The following TRA2B variants were observed in gnomAD, a reference collection of about 807,000 sequenced individuals.
TRA2B encodes the protein transformer-2 protein homolog beta.
In TRA2B, 14 loss-of-function variants were observed where a neutral mutation model predicts 41.7. That is an observed-to-expected ratio of 0.34 (90% CI 0.22 to 0.53). The LOEUF is 0.53. Among genes scored for constraint, TRA2B ranks in the 20% least tolerant of loss-of-function variants. The pLI, the probability that TRA2B is intolerant of heterozygous loss-of-function variation, is 0.95. For synonymous variants in TRA2B, 130 were observed against 128.8 expected, an observed-to-expected ratio of 1.01 and a Z score of -0.06; for missense variants, 167 against 396.8, an observed-to-expected ratio of 0.42 and a Z score of 4.92.
chr3:185,921,821 GA>G (rs1369454126), intron 5 of TRA2B, among the ~76,000 whole-genome samples, 189 bp downstream of exon 5: 1 of 152,060 alleles, frequency 6.6e-6, no homozygotes, highest in East Asian at 1.9e-4. Flanking sequence ...AAATGGACTT[GA>G]CTAAGATTTA....
At chr3:185,919,573 T>TA (rs1169917554) in intron 6 of TRA2B, 77 bp from the exon 7 acceptor site, 4 of 1,289,314 alleles carry the variant, frequency 3.1e-6, no homozygotes, top group Non-Finnish European at 4.3e-6. Flanking sequence ...TTTAGTAAAA[T>TA]AAAAACTTTC....
chr3:185,925,548 G>A lies in TRA2B; in HGVS notation c.249C>T (p.Ser83=). Residue 83 remains serine (S), a synonymous_variant, in exon 3 of 9, where the codon AGC becomes AGT. Coordinates refer to ENST00000453386, the MANE Select transcript of TRA2B (RefSeq NM_004593.3). The part of the protein sequence containing the change: ...SRSRSHRRSR[S]RSYSRDYRRR... ...TACGATAATCTCGACTGTAAGACCTGCTACGTGATCGTCTATGGGAGCGGG... is the reference window on the plus strand; with the variant it reads ...TACGATAATCTCGACTGTAAGACCTACTACGTGATCGTCTATGGGAGCGGG... 1 of 1,614,208 alleles carries A rather than the reference G, an allele frequency of 6.2e-7. No homozygotes were observed. The highest frequency in any genetic ancestry group is 8.5e-7 in the Non-Finnish European group (1 of 1,180,014).
chr3:185,918,051 G>GA (rs988030247), intron 8 of TRA2B, among the ~76,000 whole-genome samples: 3 of 151,916 alleles, frequency 2.0e-5, no homozygotes, highest in Non-Finnish European at 4.4e-5. Flanking sequence ...GTTTCAATTA[G>GA]AAACAACAGG....
Position 185,918,399 on chromosome 3 carries a change from G to A in TRA2B, c.822C>T (p.Tyr274=), listed in dbSNP as rs1450428355. 1 of 1,613,712 alleles carries A rather than the reference G, an allele frequency of 6.2e-7. No individual in the cohort carries two copies. Among genetic ancestry groups the A allele is most frequent in the East Asian group, 2.2e-5 (1 of 44,864 alleles). Residue 274 remains tyrosine (Y), a synonymous_variant, in exon 8 of 9, where the codon TAC becomes TAT. Coordinates refer to ENST00000453386, the MANE Select transcript of TRA2B (RefSeq NM_004593.3). The stretch of plus-strand genomic sequence containing the variant: ...ATGATCGAGATCTGGAACGTGATCT[G>A]TATCCTCCACGACTATAGTAAGGAG... The part of the protein sequence containing the change: ...SPSPYYSRGG[Y]RSRSRSRSYS...
intron 1 of TRA2B, chr3:185,935,320 T>C (rs1236296194): frequency 2.0e-6 from 2 of 985,046 alleles, no homozygotes; most frequent in Non-Finnish European, 2.4e-6. Context: ...AGACAGATTT[T>C]AGTGTTAATC....
intron 1 of TRA2B, chr3:185,936,870 T>A (rs985542920): frequency 3.0e-6 from 3 of 985,248 alleles, no homozygotes; most frequent in Admixed American, 1.2e-4. Context: ...ACCCTAGAAC[T>A]GTCTTGTTCC....
At chr3:185,919,387 A>G in intron 7 of TRA2B, 50 bp downstream of exon 7, 1 of 1,478,438 alleles carries the variant, frequency 6.8e-7, no homozygotes, top group Non-Finnish European at 9.2e-7. Context: ...AAACATCTTT[A>G]TGTGAAGCTT....
chr3:185,937,983 G>C lies in TRA2B; in HGVS notation c.-123C>G. On this transcript the variant is annotated 5_prime_UTR_variant, in exon 1 of 9. Coordinates refer to ENST00000453386, the MANE Select transcript of TRA2B (RefSeq NM_004593.3). ...GCCGGTCGCCCAGCCGCTCAGAGCC[G>C]AAATGCTCCGCACCGCCTCCGCACG... 2 of 1,163,090 alleles carry C rather than the reference G, an allele frequency of 1.7e-6. No homozygotes were observed. Among genetic ancestry groups the C allele is most frequent in the Non-Finnish European group, 2.5e-6 (2 of 804,236 alleles). 72.0% of individuals were successfully genotyped at this position (1,163,090 alleles called of 1,614,324 possible). A position where few individuals can be genotyped will look rare whatever the true frequency, so the allele number is the denominator to read the frequency against.
Position 185,916,637 on chromosome 3 carries a change from A to C in TRA2B, c.*1078T>G, listed in dbSNP as rs1423818595. 2 of 152,608 alleles carry C rather than the reference A, an allele frequency of 1.3e-5. No homozygotes were observed. Among genetic ancestry groups the C allele is most frequent in the Admixed American group, 1.3e-4 (2 of 15,268 alleles). 9.5% of individuals were successfully genotyped at this position (152,608 alleles called of 1,614,324 possible). A position where few individuals can be genotyped will look rare whatever the true frequency, so the allele number is the denominator to read the frequency against. On this transcript the variant is annotated 3_prime_UTR_variant, in exon 9 of 9. Transcript: ENST00000453386. ...CCCCCTCAACCCAGCCCAAAATAGCAAAGATACACCTCAGCCCAAGGAACA... is the reference window on the plus strand; with the variant it reads ...CCCCCTCAACCCAGCCCAAAATAGCCAAGATACACCTCAGCCCAAGGAACA...
intron 1 of TRA2B, among the ~76,000 whole-genome samples, chr3:185,930,496 A>G (rs1016860396): frequency 6.6e-6 from 1 of 152,186 alleles, no homozygotes; most frequent in Admixed American, 6.5e-5. Flanking sequence ...CTCCAAGAGC[A>G]TGAAGACCTG....
chr3:185,919,951 C>T (rs1743653640), intron 6 of TRA2B, among the ~76,000 whole-genome samples: 1 of 152,170 alleles, frequency 6.6e-6, no homozygotes, highest in South Asian at 2.1e-4. Context: ...TCAATGACAA[C>T]TGTGGTCAAT....
intron 3 of TRA2B, 158 bp from the exon 4 acceptor site, chr3:185,924,142 T>A: frequency 1.8e-6 from 1 of 548,562 alleles, no homozygotes; most frequent in Non-Finnish European, 2.9e-6. Context: ...CAGCAAGTAC[T>A]ACAAGTATTT....
At position 185,915,894 on chromosome 3, in the gene TRA2B, A is replaced by T. The variant is rs986273244; in HGVS notation, c.*1821T>A. The T allele has an allele frequency of 6.6e-6, 1 of 152,058 alleles. No homozygotes were observed. Among genetic ancestry groups the T allele is most frequent in the Non-Finnish European group, 1.5e-5 (1 of 68,022 alleles). 9.4% of individuals were successfully genotyped at this position (152,058 alleles called of 1,614,324 possible). The stretch of plus-strand genomic sequence containing the variant: ...TCAGGAAAGGATGCCTGTATATACT[A>T]CCACGATAAAACCAGGTTTCTCAGC... On this transcript the variant is annotated 3_prime_UTR_variant, in exon 9 of 9. Coordinates refer to ENST00000453386, the MANE Select transcript of TRA2B (RefSeq NM_004593.3).
intron 1 of TRA2B, chr3:185,937,243 A>G (rs1276821691): frequency 2.0e-6 from 2 of 985,796 alleles, no homozygotes; most frequent in Non-Finnish European, 2.4e-6. Context: ...TTCCATCTTA[A>G]GAGGCCCCAA....
chr3:185,933,731 G>A (rs1197477308), intron 1 of TRA2B, among the ~76,000 whole-genome samples: 1 of 151,868 alleles, frequency 6.6e-6, no homozygotes, highest in Non-Finnish European at 1.5e-5. Flanking sequence ...AATAGTGTCT[G>A]GAAAAAAACA....
At chr3:185,923,709 C>T in intron 4 of TRA2B, 87 bp downstream of exon 4, 1 of 1,312,248 alleles carries the variant, frequency 7.6e-7, no homozygotes, top group Admixed American at 2.4e-5. Context: ...ACTGACTTGT[C>T]CTTGTCCTTA....
intron 1 of TRA2B, among the ~76,000 whole-genome samples, chr3:185,929,744 T>C (rs1025915334): frequency 1.3e-5 from 2 of 152,200 alleles, no homozygotes; most frequent in Non-Finnish European, 2.9e-5. Context: ...TGTGGTTTGT[T>C]AGATTTAAAA....
chr3:185,923,630 T>C (rs1262154385), intron 4 of TRA2B, 166 bp downstream of exon 4: 8 of 550,872 alleles, frequency 1.5e-5, no homozygotes, highest in African/African-American at 7.8e-5. Flanking sequence ...CCCCAAGTTA[T>C]ACAAAATTTT....
At chr3:185,920,267 GA>G (rs1216478873) in intron 6 of TRA2B, among the ~76,000 whole-genome samples, 1 of 152,190 alleles carries the variant, frequency 6.6e-6, no homozygotes, top group Non-Finnish European at 1.5e-5. Context: ...GAAACTGCCT[GA>G]AAAGTGTTGG....
Sources: gnomAD v4.1 joint callset for allele counts (sites outside exome capture counted in the v4.1 genomes callset) on GRCh38, gnomAD v4.1.1 for gene constraint, MANE v1.5 for transcripts, NCBI Gene and HGNC (gene_info 2026-07-23, HGNC 2026-07-21) for gene names.